Variants in UNC13C observed in about 807,000 individuals in gnomAD.
The protein encoded by UNC13C is protein unc-13 homolog C.
UNC13C carries 174 observed loss-of-function variants against 245.4 expected under a neutral mutation model. The ratio of observed to expected loss-of-function variants is 0.71; its 90% CI spans 0.63 to 0.80. The LOEUF is 0.80. Ranked by LOEUF, UNC13C falls within the 30% of genes least tolerant of loss-of-function variation. UNC13C has a pLI of 0.00. For missense variants in UNC13C, 2,829 were observed against 2,602.9 expected (o/e 1.09, Z -1.89); for synonymous variants, 992 against 895.1 (o/e 1.11, Z -1.93).
intron 4 of UNC13C, among the ~76,000 whole-genome samples, chr15:54,173,265 G>C (rs911091990): frequency 5.3e-5 from 8 of 151,810 alleles, no homozygotes; most frequent in Non-Finnish European, 1.0e-4. Context: ...CAACCTGCTG[G>C]GATTATGATT....
intron 10 of UNC13C, among the ~76,000 whole-genome samples, chr15:54,282,591 G>A (rs1596141111): frequency 6.6e-6 from 1 of 152,132 alleles, no homozygotes; most frequent in Non-Finnish European, 1.5e-5. Context: ...GTTGTCCATG[G>A]ATGGTGGTGT....
At chr15:54,174,306 A>C (rs2033529283) in intron 4 of UNC13C, among the ~76,000 whole-genome samples, 1 of 152,190 alleles carries the variant, frequency 6.6e-6, no homozygotes, top group Non-Finnish European at 1.5e-5. Context: ...AAGTGATTGC[A>C]AAACAAAAAT....
chr15:54,146,374 T>A (rs936585019), intron 4 of UNC13C, among the ~76,000 whole-genome samples: 3 of 152,304 alleles, frequency 2.0e-5, no homozygotes, highest in Admixed American at 2.0e-4. Flanking sequence ...CAAGTGTCAA[T>A]GACAGCATAA....
chr15:54,325,776 A>T (rs922673749), intron 14 of UNC13C, among the ~76,000 whole-genome samples: 2 of 152,114 alleles, frequency 1.3e-5, no homozygotes. Flanking sequence ...GTGAAATTGG[A>T]TGAGGAAACA....
At chr15:54,469,509 A>G (rs1244940886) in intron 19 of UNC13C, among the ~76,000 whole-genome samples, 2 of 151,518 alleles carry the variant, frequency 1.3e-5, no homozygotes, top group African/African-American at 4.8e-5. Flanking sequence ...GTAGATACCA[A>G]AATCTGTGCA....
intron 28 of UNC13C, among the ~76,000 whole-genome samples, chr15:54,552,535 A>T (rs1278578449): frequency 1.2e-5 from 1 of 86,410 alleles, no homozygotes; most frequent in African/African-American, 5.1e-5. Context: ...ATAATAATAT[A>T]ATTATATATT....
the UNC13C span, among the ~76,000 whole-genome samples, chr15:53,923,166 CAT>C: frequency 6.6e-6 from 1 of 152,204 alleles, no homozygotes; most frequent in Non-Finnish European, 1.5e-5. Flanking sequence ...GATCAAATGA[CAT>C]AATTTCTGCA....
chr15:53,937,296 C>A, the UNC13C span, among the ~76,000 whole-genome samples: 2 of 151,958 alleles, frequency 1.3e-5, no homozygotes, highest in Admixed American at 1.3e-4. Context: ...AGCTTGAAGA[C>A]TATCTTTCTG....
intron 2 of UNC13C, among the ~76,000 whole-genome samples, chr15:54,105,965 T>A (rs1366809092): frequency 2.6e-5 from 4 of 152,184 alleles, no homozygotes; most frequent in African/African-American, 9.6e-5. Flanking sequence ...TCAGTTCTAT[T>A]TTAAACTTAC....
At position 54,403,254 on chromosome 15, in the gene UNC13C, AG is replaced by A. The variant is rs1288601069; in HGVS notation, c.4847+10074del. On this transcript the variant is annotated intron_variant, in intron 18 of 32. Coordinates refer to ENST00000260323, the MANE Select transcript of UNC13C (RefSeq NM_001080534.3). ...ATTGTCTTATGCAATGCTGATTTCA[AG>A]AGTTAACTTAGAGCTGGGCTCATGC... Among the ~76,000 whole-genome samples the A allele has an allele frequency of 2.6e-5, 4 of 152,086 alleles. No individual in the cohort carries two copies. The East Asian group carries it at 7.7e-4, about 29-fold the overall frequency.
intron 24 of UNC13C, among the ~76,000 whole-genome samples, chr15:54,525,121 C>T (rs1020589321): frequency 5.9e-5 from 9 of 152,200 alleles, no homozygotes; most frequent in African/African-American, 1.9e-4. Context: ...TAATTTTTAA[C>T]AACTTTTATT....
chr15:54,050,721 G>T, intron 2 of UNC13C: 1 of 567,400 alleles, frequency 1.8e-6, no homozygotes. Flanking sequence ...TCATCAGGAA[G>T]CTTTACTATT....
At chr15:54,169,761 G>A (rs1008824031) in intron 4 of UNC13C, among the ~76,000 whole-genome samples, 3 of 152,156 alleles carry the variant, frequency 2.0e-5, no homozygotes, top group Admixed American at 6.5e-5. Flanking sequence ...ACTCCTGTCC[G>A]TACTTTACAT....
intron 2 of UNC13C, among the ~76,000 whole-genome samples, chr15:54,137,599 T>G (rs899656558): frequency 6.6e-6 from 1 of 152,204 alleles, no homozygotes; most frequent in Admixed American, 6.5e-5. Context: ...GGTTATTCAA[T>G]TTGATGGCAT....
chr15:53,850,809 G>A, the UNC13C span, among the ~76,000 whole-genome samples: 5 of 150,504 alleles, frequency 3.3e-5, no homozygotes, highest in African/African-American at 9.7e-5. Flanking sequence ...ACTTCGTTAG[G>A]CATGCATTAA....
chr15:54,186,748 A>C (rs1292495413), intron 4 of UNC13C, among the ~76,000 whole-genome samples: 1 of 151,722 alleles, frequency 6.6e-6, no homozygotes, highest in East Asian at 1.9e-4. Context: ...GTGGAGAAGT[A>C]AGTGTGTCCC....
intron 1 of UNC13C, among the ~76,000 whole-genome samples, chr15:54,011,234 G>T (rs904375137): frequency 3.9e-5 from 6 of 152,134 alleles, no homozygotes; most frequent in African/African-American, 1.4e-4. Context: ...TCCTGAGTTT[G>T]CATTTGGTGG....
chr15:54,267,501 G>A (rs2036576658), intron 10 of UNC13C, among the ~76,000 whole-genome samples: 1 of 152,056 alleles, frequency 6.6e-6, no homozygotes, highest in Admixed American at 6.6e-5. Context: ...TATTCTCAGT[G>A]AACTGAGAGT....
intron 2 of UNC13C, among the ~76,000 whole-genome samples, chr15:54,032,315 T>C (rs1474367831): frequency 1.3e-5 from 2 of 152,166 alleles, no homozygotes; most frequent in African/African-American, 2.4e-5. Flanking sequence ...ATCAGGTTGA[T>C]AGGAAAACAC....
Sources: allele counts gnomAD v4.1 joint callset (sites outside exome capture counted in the v4.1 genomes callset), GRCh38; gene constraint gnomAD v4.1.1; transcripts MANE v1.5; gene names NCBI Gene and HGNC (gene_info 2026-07-23, HGNC 2026-07-21).